Variants in ZNF345 observed in about 807,000 individuals in gnomAD.
ZNF345 encodes zinc finger protein 345, also known as zinc finger protein HZF10.
For synonymous variants in ZNF345, 166 were observed against 187.9 expected, an observed-to-expected ratio of 0.88 and a Z score of 0.95; for missense variants, 527 against 589.9, an observed-to-expected ratio of 0.89 and a Z score of 1.10.
upstream of ZNF345, chr19:36,850,655 T>A (rs2072239959): frequency 6.6e-6 from 1 of 152,192 alleles, no homozygotes. Flanking sequence ...GTCTAGGGAC[T>A]CCTTGTCAGG....
rs192044950 is a variant in ZNF345 at position 36,891,343 on chromosome 19, A to G, written c.47-1475A>G. 337 of 737,352 alleles carry G rather than the reference A, an allele frequency of 4.6e-4. No individual in the cohort carries two copies. In the African/African-American group the frequency reaches 5.9e-3, roughly 13 times the overall value. 45.7% of individuals were successfully genotyped at this position (737,352 alleles called of 1,614,324 possible). Reference sequence around the variant, plus strand: ...AAATTTCTCTTGTTTTAAGCCACCAAGGTTTTGGTACTTGGTACTTTGTTA... The same window carrying G: ...AAATTTCTCTTGTTTTAAGCCACCAGGGTTTTGGTACTTGGTACTTTGTTA... On this transcript the variant is annotated intron_variant, in intron 3 of 3. Coordinates refer to the ZNF345 transcript ENST00000526123.
intron 2 of ZNF345, among the ~76,000 whole-genome samples, chr19:36,852,877 GT>G (rs974865014): frequency 3.8e-4 from 52 of 137,606 alleles, no homozygotes; most frequent in African/African-American, 6.1e-4. Flanking sequence ...TGTTTTTTTT[GT>G]TTTTTTTTTT....
Position 36,869,218 on chromosome 19 carries a change from C to A in ZNF345, c.-46-7567C>A, listed in dbSNP as rs942700179. On this transcript the variant is annotated intron_variant, in intron 2 of 2. Transcript: ENST00000420450. ...CCCCCCTTCATTTAGTAATTTACTA[C>A]AACTCACAGAATTCAGGAAAGCACT... 3.3e-5 allele frequency among the ~76,000 whole-genome samples: 5 copies of A among 151,566 alleles called. No individual in the cohort carries two copies. In the East Asian group the frequency reaches 5.8e-4, roughly 18 times the overall value.
chr19:36,852,109 CT>C (rs57521965), intron 2 of ZNF345, among the ~76,000 whole-genome samples: 1,319 of 123,286 alleles, frequency 0.011, 19 homozygotes, highest in African/African-American at 0.034. Flanking sequence ...TTTTCTTTTT[CT>C]TTTTTTTTTC....
At chr19:36,880,614 C>T (rs765689218), downstream of ZNF345, among the ~76,000 whole-genome samples, 1 of 151,310 alleles carries the variant, frequency 6.6e-6, no homozygotes, top group African/African-American at 2.4e-5. Flanking sequence ...CATAGCAAGC[C>T]CCCATCTCTA....
chr19:36,850,472 G>A (rs1030477216), upstream of ZNF345: 2 of 152,324 alleles, frequency 1.3e-5, no homozygotes, highest in Non-Finnish European at 2.9e-5. Flanking sequence ...TATAGCTAAC[G>A]GGCTGGGTGA....
At chr19:36,892,438 G>A in intron 3 of ZNF345, 1 of 1,599,150 alleles carries the variant, frequency 6.3e-7, no homozygotes, top group South Asian at 1.1e-5. Flanking sequence ...CTTCTTTAGA[G>A]ATAATATTTT....
At chr19:36,868,164 A>G (rs2072700429) in intron 2 of ZNF345, among the ~76,000 whole-genome samples, 1 of 151,888 alleles carries the variant, frequency 6.6e-6, no homozygotes, top group African/African-American at 2.4e-5. Context: ...CACCACGCCC[A>G]GCTAATTTTT....
intron 2 of ZNF345, among the ~76,000 whole-genome samples, chr19:36,857,801 T>C (rs180698050): frequency 2.6e-4 from 39 of 152,176 alleles, no homozygotes; most frequent in Admixed American, 1.4e-3. Flanking sequence ...TGCTTGAGAC[T>C]AGGTTTTGCT....
At chr19:36,872,077 T>G (rs191618636) in intron 2 of ZNF345, among the ~76,000 whole-genome samples, 2 of 152,280 alleles carry the variant, frequency 1.3e-5, no homozygotes, top group Admixed American at 1.3e-4. Context: ...CTGTTTTATA[T>G]GACATTGAAT....
intron 3 of ZNF345, among the ~76,000 whole-genome samples, chr19:36,886,383 A>AT (rs1568364189): frequency 1.3e-5 from 2 of 152,206 alleles, no homozygotes; most frequent in Admixed American, 1.3e-4. Flanking sequence ...AAAAGTCATC[A>AT]TGCTGATAGT....
intron 2 of ZNF345, among the ~76,000 whole-genome samples, chr19:36,875,591 C>T (rs765101041): frequency 2.0e-4 from 31 of 152,134 alleles, no homozygotes; most frequent in Non-Finnish European, 3.7e-4. Context: ...CTAAATATCA[C>T]TCTGGGTGCT....
At chr19:36,859,196 G>C (rs1185576861) in intron 2 of ZNF345, among the ~76,000 whole-genome samples, 1 of 151,632 alleles carries the variant, frequency 6.6e-6, no homozygotes, top group Admixed American at 6.6e-5. Flanking sequence ...GCTCAGGCTG[G>C]AGTATAGGAG....
chr19:36,865,556 G>A (rs974916054), intron 2 of ZNF345, among the ~76,000 whole-genome samples: 2 of 152,100 alleles, frequency 1.3e-5, no homozygotes, highest in East Asian at 1.9e-4. Context: ...CACCTCCCAG[G>A]TTCACGTGAT....
chr19:36,872,537 T>G (rs932071872), intron 2 of ZNF345: 3 of 152,372 alleles, frequency 2.0e-5, no homozygotes, highest in African/African-American at 7.2e-5. Flanking sequence ...CCACATAATC[T>G]CTGCACATCC....
intron 2 of ZNF345, among the ~76,000 whole-genome samples, chr19:36,856,821 G>A (rs1310282828): frequency 6.7e-6 from 1 of 149,446 alleles, no homozygotes; most frequent in East Asian, 2.0e-4. Context: ...CTGCACTCCA[G>A]CCTGGGTGAC....
At chr19:36,876,188 G>A (rs2072878102) in intron 2 of ZNF345, among the ~76,000 whole-genome samples, 1 of 152,154 alleles carries the variant, frequency 6.6e-6, no homozygotes. Context: ...AACCACAGAT[G>A]AATCTTCCCT....
At chr19:36,853,249 T>TTTC (rs2072327959) in intron 2 of ZNF345, among the ~76,000 whole-genome samples, 1 of 147,174 alleles carries the variant, frequency 6.8e-6, no homozygotes. Context: ...TTCTTTCTTT[T>TTTC]TTTTTTTTTT....
intron 2 of ZNF345, among the ~76,000 whole-genome samples, chr19:36,876,157 G>A (rs2072877504): frequency 6.6e-6 from 1 of 152,076 alleles, no homozygotes; most frequent in Non-Finnish European, 1.5e-5. Context: ...TTTCTTAAAT[G>A]GCATAAACAA....
Sources: gnomAD v4.1 joint callset for allele counts (sites outside exome capture counted in the v4.1 genomes callset) on GRCh38, gnomAD v4.1.1 for gene constraint, MANE v1.5 for transcripts, NCBI Gene and HGNC (gene_info 2026-07-23, HGNC 2026-07-21) for gene names.